Variants in GALNTL6 observed in about 807,000 individuals in gnomAD.
The protein encoded by GALNTL6 is polypeptide N-acetylgalactosaminyltransferase-like 6.
Under a neutral mutation model 73.7 loss-of-function variants are expected in GALNTL6, and 46 were observed. That is an observed-to-expected ratio of 0.62 (90% confidence interval 0.49 to 0.80). GALNTL6 has a LOEUF of 0.80. Among genes scored for constraint, GALNTL6 ranks in the 30% least tolerant of loss-of-function variants. The pLI, the probability that GALNTL6 is intolerant of heterozygous loss-of-function variation, is 0.00. For missense variants in GALNTL6, 604 were observed against 755.0 expected (o/e 0.80, Z 2.34); for synonymous variants, 259 against 263.7 (o/e 0.98, Z 0.17).
intron 5 of GALNTL6, among the ~76,000 whole-genome samples, chr4:172,761,848 C>T (rs1214219506): frequency 6.6e-6 from 1 of 152,168 alleles, no homozygotes; most frequent in East Asian, 1.9e-4. Context: ...ATAAATTACC[C>T]AGTCTCTGGT....
chr4:171,927,922 C>T (rs1489158754), intron 2 of GALNTL6, among the ~76,000 whole-genome samples: 2 of 152,132 alleles, frequency 1.3e-5, no homozygotes, highest in African/African-American at 4.8e-5. Flanking sequence ...GGACGCCACT[C>T]GTCATTACCT....
intron 2 of GALNTL6, among the ~76,000 whole-genome samples, chr4:171,845,702 C>A (rs1450608783): frequency 6.6e-6 from 1 of 152,014 alleles, no homozygotes; most frequent in Non-Finnish European, 1.5e-5. Context: ...GGAAGGAGAC[C>A]AAGTCTCCAA....
At chr4:172,329,199 G>GAGACAGCAAAGCC (rs1741041998) in intron 4 of GALNTL6, among the ~76,000 whole-genome samples, 3 of 152,206 alleles carry the variant, frequency 2.0e-5, no homozygotes, top group Admixed American at 6.5e-5. Context: ...GACAGCAAAG[G>GAGACAGCAAAGCC]TGAGGGCTGC....
chr4:172,592,331 T>C (rs900315579), intron 5 of GALNTL6, among the ~76,000 whole-genome samples: 1 of 152,154 alleles, frequency 6.6e-6, no homozygotes, highest in Non-Finnish European at 1.5e-5. Flanking sequence ...AGCCTTTTAC[T>C]ACCTGAGAAA....
intron 5 of GALNTL6, among the ~76,000 whole-genome samples, chr4:172,784,934 A>C (rs1482285043): frequency 6.6e-6 from 1 of 152,150 alleles, no homozygotes; most frequent in Non-Finnish European, 1.5e-5. Flanking sequence ...CCTAAAAAGG[A>C]AGACAAGCTG....
At chr4:173,015,397 G>A (rs1752740708) in intron 11 of GALNTL6, among the ~76,000 whole-genome samples, 1 of 152,206 alleles carries the variant, frequency 6.6e-6, no homozygotes, top group African/African-American at 2.4e-5. Flanking sequence ...ACTTGCTAGA[G>A]ATTTGGAGGG....
At chr4:172,383,465 A>G (rs1743359443) in intron 5 of GALNTL6, among the ~76,000 whole-genome samples, 1 of 152,076 alleles carries the variant, frequency 6.6e-6, no homozygotes, top group African/African-American at 2.4e-5. Flanking sequence ...GAATTCTGCA[A>G]TCTTGCTGGA....
Position 172,936,254 on chromosome 4 carries a change from TAAACTA to T in GALNTL6, c.1149+4987_1149+4992del, listed in dbSNP as rs1468762444. Among the ~76,000 whole-genome samples the T allele has an allele frequency of 2.6e-5, 4 of 152,164 alleles. No individual in the cohort carries two copies. The East Asian group carries it at 7.7e-4, about 29-fold the overall frequency. On this transcript the variant is annotated intron_variant, in intron 9 of 12. Transcript: ENST00000506823. ...ACCCCTTCATTCTGAAAACTCTCAATAAACTAGGTATCGATGGAACGTATCTCAAAA... is the reference window on the plus strand; with the variant it reads ...ACCCCTTCATTCTGAAAACTCTCAATGGTATCGATGGAACGTATCTCAAAA...
chr4:172,071,284 A>C (rs34453635), intron 2 of GALNTL6, among the ~76,000 whole-genome samples: 79,616 of 107,426 alleles, frequency 0.74, 36,320 homozygotes, highest in South Asian at 0.89. Flanking sequence ...TTGTGCTATT[A>C]CTCATTACCT....
chr4:172,350,278 G>T (rs2111219211), intron 5 of GALNTL6, among the ~76,000 whole-genome samples: 1 of 152,278 alleles, frequency 6.6e-6, no homozygotes, highest in Non-Finnish European at 1.5e-5. Flanking sequence ...CTTGGTAGCA[G>T]AAAATTATGG....
chr4:172,081,698 C>T (rs936931245), intron 2 of GALNTL6, among the ~76,000 whole-genome samples: 2 of 151,980 alleles, frequency 1.3e-5, no homozygotes, highest in Admixed American at 6.6e-5. Context: ...TGCTAAAATG[C>T]TTGGAGCAGG....
At chr4:172,093,718 G>A (rs149837872) in intron 2 of GALNTL6, among the ~76,000 whole-genome samples, 3 of 152,278 alleles carry the variant, frequency 2.0e-5, no homozygotes, top group Non-Finnish European at 4.4e-5. Flanking sequence ...CTGCACATGC[G>A]AAGAATTTAG....
At chr4:172,031,870 T>C (rs780505341) in intron 2 of GALNTL6, among the ~76,000 whole-genome samples, 60 of 152,212 alleles carry the variant, frequency 3.9e-4, no homozygotes, top group Non-Finnish European at 6.5e-4. Context: ...ATATAATAAC[T>C]TGAAGACTTA....
At chr4:171,931,866 T>C (rs1738195562) in intron 2 of GALNTL6, among the ~76,000 whole-genome samples, 1 of 152,038 alleles carries the variant, frequency 6.6e-6, no homozygotes, top group Non-Finnish European at 1.5e-5. Context: ...CTAAAATCCT[T>C]AATTCACATT....
intron 5 of GALNTL6, among the ~76,000 whole-genome samples, chr4:172,479,367 C>T (rs972813032): frequency 9.9e-5 from 15 of 152,132 alleles, no homozygotes; most frequent in South Asian, 2.1e-4. Flanking sequence ...ACACATACAC[C>T]ATGGAATACT....
intron 2 of GALNTL6, among the ~76,000 whole-genome samples, chr4:171,865,903 AC>A (rs574862891): frequency 3.7e-4 from 57 of 152,180 alleles, no homozygotes; most frequent in Non-Finnish European, 7.5e-4. Flanking sequence ...GTTCTGTCAA[AC>A]TTTTACGTAA....
intron 5 of GALNTL6, among the ~76,000 whole-genome samples, chr4:172,488,659 T>C (rs1733782852): frequency 6.6e-6 from 1 of 152,174 alleles, no homozygotes; most frequent in Admixed American, 6.5e-5. Flanking sequence ...TGTATTCTAT[T>C]GCTTGAAGAT....
At chr4:172,215,769 G>A (rs1736475192) in intron 2 of GALNTL6, among the ~76,000 whole-genome samples, 1 of 152,026 alleles carries the variant, frequency 6.6e-6, no homozygotes, top group Admixed American at 6.6e-5. Flanking sequence ...TGTTGCAGTA[G>A]TTTTTTGCTT....
At chr4:173,018,927 C>A (rs1308143002) in intron 11 of GALNTL6, among the ~76,000 whole-genome samples, 2 of 152,216 alleles carry the variant, frequency 1.3e-5, no homozygotes, top group African/African-American at 4.8e-5. Flanking sequence ...CAAGGCCACA[C>A]AGGCCTTTCC....
Sources: gnomAD v4.1 joint callset for allele counts (sites outside exome capture counted in the v4.1 genomes callset) on GRCh38, gnomAD v4.1.1 for gene constraint, MANE v1.5 for transcripts, NCBI Gene and HGNC (gene_info 2026-07-23, HGNC 2026-07-21) for gene names.